Variants in MGAT4A observed in about 807,000 individuals in gnomAD.
MGAT4A encodes the protein alpha-1,3-mannosyl-glycoprotein 4-beta-N-acetylglucosaminyltransferase A.
Under a neutral mutation model 74.1 loss-of-function variants are expected in MGAT4A, and 33 were observed. That is an observed-to-expected ratio of 0.45 (90% CI 0.34 to 0.60). MGAT4A has a LOEUF of 0.60. MGAT4A is among the 20% of genes least tolerant of loss of function. MGAT4A has a pLI of 0.02. For missense variants in MGAT4A, 479 were observed against 628.3 expected, an observed-to-expected ratio of 0.76 and a Z score of 2.54; for synonymous variants, 198 against 210.4, an observed-to-expected ratio of 0.94 and a Z score of 0.51.
At chr2:98,675,257 T>A in intron 3 of MGAT4A, 82 bp from the exon 4 acceptor site, 1 of 1,020,114 alleles carries the variant, frequency 9.8e-7, no homozygotes, top group Non-Finnish European at 1.4e-6. Context: ...TAAAAATTAA[T>A]AAGAACTAGA....
rs527391410 is a variant in MGAT4A, at chr2:98,624,552, A to G, written c.*1014T>C. 31 of 980,432 alleles carry G rather than the reference A, an allele frequency of 3.2e-5. No homozygotes were observed. The South Asian group carries it at 8.5e-4, about 27-fold the overall frequency. 60.7% of individuals were successfully genotyped at this position (980,432 alleles called of 1,614,324 possible). On this transcript the variant is annotated 3_prime_UTR_variant, in exon 16 of 16. Transcript: ENST00000393487. Reference sequence around the variant, plus strand: ...TACAATTTTCTTTAAAATTATACCAATTATGACTCATACAATAGCAACACC... The same window carrying G: ...TACAATTTTCTTTAAAATTATACCAGTTATGACTCATACAATAGCAACACC...
chr2:98,668,616 G>A (rs1402316745), intron 4 of MGAT4A, among the ~76,000 whole-genome samples: 3 of 152,188 alleles, frequency 2.0e-5, no homozygotes, highest in Admixed American at 6.5e-5. Flanking sequence ...CCACCTAGTG[G>A]AGCTGCGAGA....
chr2:98,676,350 A>G (rs566681899), intron 3 of MGAT4A, among the ~76,000 whole-genome samples: 1 of 152,330 alleles, frequency 6.6e-6, no homozygotes, highest in African/African-American at 2.4e-5. Flanking sequence ...AAATGTTCCA[A>G]CTATTCAAAA....
intron 2 of MGAT4A, among the ~76,000 whole-genome samples, chr2:98,699,538 C>T (rs753184948): frequency 4.0e-5 from 6 of 151,684 alleles, no homozygotes; most frequent in Non-Finnish European, 4.4e-5. Context: ...CATTGCCTTA[C>T]AGAATGCCAA....
At chr2:98,655,393 G>T in intron 8 of MGAT4A, 52 bp downstream of exon 8, 1 of 1,372,396 alleles carries the variant, frequency 7.3e-7, no homozygotes, top group Non-Finnish European at 1.0e-6. Context: ...ACATACCCTT[G>T]ATAACACTTT....
chr2:98,651,923 G>A (rs776507653), intron 8 of MGAT4A, among the ~76,000 whole-genome samples: 37 of 152,286 alleles, frequency 2.4e-4, no homozygotes, highest in Non-Finnish European at 3.7e-4. Flanking sequence ...GCCATACTTA[G>A]ACAAAATAAG....
At chr2:98,633,181 A>C (rs1377386791) in intron 14 of MGAT4A, among the ~76,000 whole-genome samples, 2 of 152,218 alleles carry the variant, frequency 1.3e-5, no homozygotes, top group African/African-American at 4.8e-5. Flanking sequence ...GCCCAGATTC[A>C]TCAGCTGCTC....
chr2:98,683,778 A>G (rs1702094668), intron 2 of MGAT4A, among the ~76,000 whole-genome samples: 1 of 152,172 alleles, frequency 6.6e-6, no homozygotes, highest in Non-Finnish European at 1.5e-5. Flanking sequence ...CCCTAATTCT[A>G]AAATGCTTCC....
At chr2:98,642,636 T>C (rs1193955203) in intron 10 of MGAT4A, among the ~76,000 whole-genome samples, 1 of 152,212 alleles carries the variant, frequency 6.6e-6, no homozygotes, top group Non-Finnish European at 1.5e-5. Context: ...TGCAAGTGTA[T>C]TGTAGGAGGT....
intron 4 of MGAT4A, among the ~76,000 whole-genome samples, chr2:98,668,464 T>C (rs55634708): frequency 0.22 from 33,347 of 152,212 alleles, 4,441 homozygotes; most frequent in Non-Finnish European, 0.3. Context: ...TCCACCTAGA[T>C]TTCAGAGGAT....
rs940313853 is a variant in MGAT4A at position 98,636,509 on chromosome 2, A to G, written c.1401+8T>C. On this transcript the variant is annotated splice_region_variant and intron_variant, in intron 13 of 15. Coordinates refer to ENST00000393487, the MANE Select transcript of MGAT4A (RefSeq NM_012214.3). Reference sequence around the variant, plus strand: ...TTAGGGAAAGGTAAGAGGAAATAGCAGTCATACCTTAAAAGGCAAAACTTC... The same window carrying G: ...TTAGGGAAAGGTAAGAGGAAATAGCGGTCATACCTTAAAAGGCAAAACTTC... The G allele has an allele frequency of 1.9e-6, 3 of 1,599,274 alleles. No homozygotes were observed. The highest frequency in any genetic ancestry group is 1.3e-5 in the African/African-American group (1 of 74,604).
chr2:98,700,720 A>G (rs1406000755), intron 2 of MGAT4A, among the ~76,000 whole-genome samples: 4 of 152,004 alleles, frequency 2.6e-5, no homozygotes, highest in Middle Eastern at 3.2e-3. Flanking sequence ...GCAAAACCCC[A>G]TCTCTACTAA....
chr2:98,671,399 C>T (rs1490989971), intron 4 of MGAT4A, among the ~76,000 whole-genome samples: 1 of 152,148 alleles, frequency 6.6e-6, no homozygotes, highest in Non-Finnish European at 1.5e-5. Flanking sequence ...GTTGAAAACC[C>T]TTCAATGGCT....
Position 98,726,413 on chromosome 2 carries a change from G to T in MGAT4A, c.-81C>A, listed in dbSNP as rs542238399. On this transcript the variant is annotated 5_prime_UTR_variant, in exon 2 of 16. Transcript: ENST00000393487. ...TTTCTTTTTACCCTGAAAGTCAACT[G>T]AATGCAGTACTCCTGGCTCTAGGCC... The T allele has an allele frequency of 4.3e-6, 5 of 1,149,686 alleles. No homozygotes were observed. In the South Asian group the frequency reaches 6.8e-5, roughly 16 times the overall value. The allele number at this position is 1,149,686 out of a possible 1,614,324, so 71.2% of individuals were successfully genotyped here. A position where few individuals can be genotyped will look rare whatever the true frequency, so the allele number is the denominator to read the frequency against.
intron 12 of MGAT4A, among the ~76,000 whole-genome samples, chr2:98,638,344 A>G (rs1701354646): frequency 6.6e-6 from 1 of 152,230 alleles, no homozygotes; most frequent in Non-Finnish European, 1.5e-5. Context: ...ATATAATGCC[A>G]TAATCTATAA....
chr2:98,708,266 C>T (rs1415849241), intron 2 of MGAT4A, among the ~76,000 whole-genome samples: 1 of 151,928 alleles, frequency 6.6e-6, no homozygotes, highest in Non-Finnish European at 1.5e-5. Context: ...CCGCACCCCG[C>T]CAGTGAGCAC....
At chr2:98,715,853 T>C (rs1702585327) in intron 2 of MGAT4A, among the ~76,000 whole-genome samples, 1 of 152,184 alleles carries the variant, frequency 6.6e-6, no homozygotes, top group Admixed American at 6.5e-5. Flanking sequence ...GGTAAAAGTA[T>C]GATAAGAAAC....
chr2:98,640,074 A>C (rs777874868), intron 11 of MGAT4A, 47 bp downstream of exon 11: 1 of 1,559,550 alleles, frequency 6.4e-7, no homozygotes, highest in Admixed American at 1.9e-5. Context: ...ATTATAACTT[A>C]AATAACAAGT....
At chr2:98,725,618 TAAA>T (rs5832857) in intron 2 of MGAT4A, among the ~76,000 whole-genome samples, 3 of 142,372 alleles carry the variant, frequency 2.1e-5, no homozygotes, top group Non-Finnish European at 1.5e-5. Flanking sequence ...TAGTTTCTCT[TAAA>T]AAAAAAAAAA....
Sources: allele counts gnomAD v4.1 joint callset (sites outside exome capture counted in the v4.1 genomes callset), GRCh38; gene constraint gnomAD v4.1.1; transcripts MANE v1.5; gene names NCBI Gene and HGNC (gene_info 2026-07-23, HGNC 2026-07-21).